Variants in ZDHHC23 observed in about 807,000 individuals in gnomAD.
ZDHHC23 encodes palmitoyltransferase ZDHHC23.
ZDHHC23 carries 41 observed loss-of-function variants against 40.2 expected under a neutral mutation model. That is an observed-to-expected ratio of 1.02 (90% CI 0.79 to 1.32). The LOEUF (loss-of-function observed/expected upper bound fraction) is 1.32. ZDHHC23 is among the 40% of genes most tolerant of loss of function. ZDHHC23 has a pLI of 0.00. For synonymous variants in ZDHHC23, 204 were observed against 210.2 expected (o/e 0.97, Z 0.26); for missense variants, 471 against 541.5 (o/e 0.87, Z 1.29).
chr3:113,958,226 A>G, intron 4 of ZDHHC23, 137 bp from the exon 5 acceptor site: 1 of 711,188 alleles, frequency 1.4e-6, no homozygotes. Context: ...CATTCTGAGT[A>G]TCTTCCAGTT....
At chr3:113,963,424 C>A (rs755152416), downstream of ZDHHC23, 1 of 151,670 alleles carries the variant, frequency 6.6e-6, no homozygotes. Flanking sequence ...AGGAACTCAA[C>A]CTTATGTACA....
In ZDHHC23 at chr3:113,954,646, T is replaced by C. The variant is rs570873750; in HGVS notation, c.872+236T>C. On this transcript the variant is annotated intron_variant, in intron 3 of 4. Transcript: ENST00000638807. ...ACAGAAAACTTGTGGGGTTTTTTTT[T>C]TCTCAATTTTCTTTTGAATGACTCC... 1.4e-3 allele frequency among the ~76,000 whole-genome samples: 212 copies of C among 152,218 alleles called. 1 individual carries two copies. The highest frequency in any genetic ancestry group is 4.9e-3 in the African/African-American group (203 of 41,554).
At position 113,954,315 on chromosome 3, in the gene ZDHHC23, C is replaced by T. The variant is rs776243560; in HGVS notation, c.777C>T (p.Asp259=). ...GAAGCCCCACCAAAGCGAAGGAGGA[C>T]TGGTGTGCCAAGTGCCAGCTGGTGC... The part of the protein sequence containing the change: ...PAGSPTKAKE[D]WCAKCQLVRP... Residue 259 remains aspartate (D), a synonymous_variant, in exon 3 of 5, where the codon GAC becomes GAT. Transcript: ENST00000638807. 9 of 1,614,126 alleles carry T rather than the reference C, an allele frequency of 5.6e-6. No individual in the cohort carries two copies. The highest frequency in any genetic ancestry group is 7.6e-6 in the Non-Finnish European group (9 of 1,179,956).
chr3:113,971,157 A>G, the ZDHHC23 span, among the ~76,000 whole-genome samples: 10 of 152,164 alleles, frequency 6.6e-5, no homozygotes, highest in African/African-American at 1.4e-4. Context: ...TTCCACAATG[A>G]TTGAACTAGT....
rs1293427730 is a variant in ZDHHC23, at chr3:113,959,427, T to G, written c.*797T>G. 1.6e-6 allele frequency: 2 copies of G among 1,224,508 alleles called. No individual in the cohort carries two copies. The highest frequency in any genetic ancestry group is 2.1e-6 in the Non-Finnish European group (2 of 941,482). 75.9% of individuals were successfully genotyped at this position (1,224,508 alleles called of 1,614,324 possible). On this transcript the variant is annotated 3_prime_UTR_variant, in exon 5 of 5. Transcript: ENST00000638807. ...TGTGGCCATGAGTTTAGGTGATGAG[T>G]TCTTCTATTTATATTTTATAAATTC...
chr3:113,965,617 T>C (rs934689695), downstream of ZDHHC23, among the ~76,000 whole-genome samples: 4 of 152,092 alleles, frequency 2.6e-5, no homozygotes, highest in African/African-American at 9.7e-5. Context: ...GAGGCAAGAG[T>C]CTTGCTCTGT....
At chr3:113,966,870 G>A (rs201432144), downstream of ZDHHC23, among the ~76,000 whole-genome samples, 153 of 152,084 alleles carry the variant, frequency 1.0e-3, 3 homozygotes, top group East Asian at 0.015. Flanking sequence ...AGGTTGAGGC[G>A]GGTGACTCAT....
chr3:113,953,835 G>A lies in ZDHHC23; in HGVS notation c.297G>A (p.Leu99=), dbSNP rs148664849. The change falls in exon 3 of 5, where the codon CTG becomes CTA. Residue 99 remains leucine (L), a synonymous_variant. Transcript: ENST00000638807. ...GCATCATCCCTCCGCTTGTCCTGCT[G>A]CCTGTCTTCCTTCATGTGGCTTCCT... The part of the protein sequence containing the change: ...NISIIPPLVL[L]PVFLHVASWH... The A allele has an allele frequency of 6.2e-7, 1 of 1,614,080 alleles. No individual in the cohort carries two copies. Among genetic ancestry groups the A allele is most frequent in the African/African-American group, 1.3e-5 (1 of 74,924 alleles).
chr3:113,952,593 T>G (rs1938782327), intron 2 of ZDHHC23, among the ~76,000 whole-genome samples: 1 of 152,232 alleles, frequency 6.6e-6, no homozygotes, highest in Admixed American at 6.5e-5. Context: ...TCCACATTTT[T>G]AGATATCTGT....
At chr3:113,968,008 C>T (rs1358391855), downstream of ZDHHC23, among the ~76,000 whole-genome samples, 1 of 152,144 alleles carries the variant, frequency 6.6e-6, no homozygotes, top group Non-Finnish European at 1.5e-5. Context: ...TGTGTATATA[C>T]CATATTTTCT....
downstream of ZDHHC23, chr3:113,964,220 A>G (rs1459243976): frequency 6.6e-6 from 1 of 152,238 alleles, no homozygotes; most frequent in East Asian, 1.9e-4. Context: ...AGGACTGCAC[A>G]GGACTTTCTC....
chr3:113,975,849 G>A, the ZDHHC23 span, among the ~76,000 whole-genome samples: 1 of 152,200 alleles, frequency 6.6e-6, no homozygotes, highest in Admixed American at 6.5e-5. Flanking sequence ...TCACAGCAAT[G>A]CTTTTATATC....
intron 2 of ZDHHC23, 81 bp downstream of exon 2, chr3:113,949,044 A>C: frequency 1.3e-6 from 2 of 1,547,442 alleles, no homozygotes; most frequent in Non-Finnish European, 8.8e-7. Context: ...AGCCACCCAG[A>C]ATGCTAGAAT....
At chr3:113,957,699 T>C (rs774177708) in intron 4 of ZDHHC23, 6 of 515,342 alleles carry the variant, frequency 1.2e-5, no homozygotes, top group Admixed American at 2.0e-5. Context: ...TCTAACTAAC[T>C]CTTAATTTGC....
chr3:113,973,896 C>T, the ZDHHC23 span, among the ~76,000 whole-genome samples: 1 of 151,000 alleles, frequency 6.6e-6, no homozygotes, highest in Non-Finnish European at 1.5e-5. Context: ...CATTCAAGTC[C>T]CCCTTCAACA....
the ZDHHC23 span, among the ~76,000 whole-genome samples, chr3:113,975,110 G>A: frequency 6.6e-6 from 1 of 151,644 alleles, no homozygotes; most frequent in Non-Finnish European, 1.5e-5. Flanking sequence ...GTGTAGGTCT[G>A]TGACTTTCAT....
rs747880493 is a variant in ZDHHC23, at chr3:113,960,721, G to A, written c.*2091G>A. On this transcript the variant is annotated 3_prime_UTR_variant, in exon 5 of 5. Coordinates refer to ENST00000638807, the MANE Select transcript of ZDHHC23 (RefSeq NM_001320466.2). ...TTTTTAACAACTTACCTCTAATAGG[G>A]TTACTTGGATGAGCCAACTCCGCTT... 1.3e-6 allele frequency: 2 copies of A among 1,592,306 alleles called. No homozygotes were observed. The highest frequency in any genetic ancestry group is 1.8e-5 in the Admixed American group (1 of 55,360).
At chr3:113,956,211 C>T (rs1415462313) in intron 3 of ZDHHC23, 128 bp from the exon 4 acceptor site, 3 of 1,019,092 alleles carry the variant, frequency 2.9e-6, no homozygotes, top group South Asian at 3.2e-5. Flanking sequence ...CGCGCCATTG[C>T]ACTTTAGCCT....
At chr3:113,974,229 G>C in the ZDHHC23 span, among the ~76,000 whole-genome samples, 1 of 151,706 alleles carries the variant, frequency 6.6e-6, no homozygotes, top group Non-Finnish European at 1.5e-5. Context: ...TTGAATGTTG[G>C]TTAGAGTTTA....
Sources: gnomAD v4.1 joint callset for allele counts (sites outside exome capture counted in the v4.1 genomes callset) on GRCh38, gnomAD v4.1.1 for gene constraint, MANE v1.5 for transcripts, NCBI Gene and HGNC (gene_info 2026-07-23, HGNC 2026-07-21) for gene names.